RNLS: variants seen among roughly 807,000 people sequenced by gnomAD.
The protein encoded by RNLS is renalase.
In RNLS, 39 loss-of-function variants were observed where a neutral mutation model predicts 39.8. The observed-to-expected ratio is 0.98, with a 90% CI of 0.76 to 1.28. RNLS has a LOEUF of 1.28. RNLS is among the 50% of genes most tolerant of loss of function. RNLS has a pLI of 0.00. For synonymous variants in RNLS, 147 were observed against 150.7 expected (o/e 0.98, Z 0.18); for missense variants, 410 against 413.3 (o/e 0.99, Z 0.07).
the RNLS span, among the ~76,000 whole-genome samples, chr10:88,224,748 A>G: frequency 6.6e-6 from 1 of 152,216 alleles, no homozygotes; most frequent in East Asian, 1.9e-4. Flanking sequence ...CCCTCAGGTT[A>G]CGTGCAATCT....
the RNLS span, among the ~76,000 whole-genome samples, chr10:88,210,591 T>C: frequency 6.6e-6 from 1 of 152,182 alleles, no homozygotes; most frequent in Admixed American, 6.6e-5. Flanking sequence ...ACCACGCACA[T>C]AATCACAGAA....
the RNLS span, among the ~76,000 whole-genome samples, chr10:88,197,476 G>C: frequency 6.6e-6 from 1 of 152,104 alleles, no homozygotes; most frequent in Non-Finnish European, 1.5e-5. Flanking sequence ...TGTCATGGTA[G>C]GTGTCAAGCA....
At chr10:88,269,516 GCCTAACTGACT>G (rs916170310), downstream of RNLS, among the ~76,000 whole-genome samples, 1 of 152,150 alleles carries the variant, frequency 6.6e-6, no homozygotes, top group Non-Finnish European at 1.5e-5. Context: ...CTAGGGCCTG[GCCTAACTGACT>G]CCTGCTGAAA....
At chr10:88,501,001 G>T (rs994309117) in intron 4 of RNLS, among the ~76,000 whole-genome samples, 1 of 140,066 alleles carries the variant, frequency 7.1e-6, no homozygotes, top group South Asian at 2.4e-4. Context: ...ATATATATGT[G>T]TGTGTGTATA....
At chr10:88,178,040 G>C in the RNLS span, among the ~76,000 whole-genome samples, 1 of 152,330 alleles carries the variant, frequency 6.6e-6, no homozygotes, top group Non-Finnish European at 1.5e-5. Context: ...TCCCCAGGCA[G>C]GTGGTTCTCA....
chr10:88,218,732 T>G, the RNLS span, among the ~76,000 whole-genome samples: 1 of 152,204 alleles, frequency 6.6e-6, no homozygotes, highest in East Asian at 1.9e-4. Context: ...GCTGGATTCT[T>G]CATCTTAAAT....
intron 5 of RNLS, among the ~76,000 whole-genome samples, chr10:88,337,709 G>C (rs1341762178): frequency 6.6e-6 from 1 of 152,144 alleles, no homozygotes; most frequent in East Asian, 1.9e-4. Flanking sequence ...ATCTAGAGTT[G>C]CCTATAGCTT....
chr10:88,308,611 TA>T (rs978456648), intron 6 of RNLS, among the ~76,000 whole-genome samples: 8 of 151,966 alleles, frequency 5.3e-5, no homozygotes, highest in Middle Eastern at 3.4e-3. Flanking sequence ...TGGCTACTAT[TA>T]AAAAATAACA....
chr10:88,497,454 T>C (rs1845232778), intron 4 of RNLS, among the ~76,000 whole-genome samples: 2 of 151,898 alleles, frequency 1.3e-5, no homozygotes, highest in Non-Finnish European at 2.9e-5. Flanking sequence ...ATAAGATAGC[T>C]TGATGAAGGT....
intron 5 of RNLS, among the ~76,000 whole-genome samples, chr10:88,316,766 CAATG>C (rs1286254292): frequency 6.6e-6 from 1 of 152,088 alleles, no homozygotes; most frequent in African/African-American, 2.4e-5. Context: ...TCTCGCATAA[CAATG>C]AGAGAACAAC....
intron 4 of RNLS, among the ~76,000 whole-genome samples, chr10:88,393,224 T>C (rs1361776674): frequency 6.6e-6 from 1 of 152,082 alleles, no homozygotes; most frequent in Non-Finnish European, 1.5e-5. Context: ...ATAAAGGGTA[T>C]TCAATTAGGA....
Position 88,471,490 on chromosome 10 carries a change from G to C in RNLS, c.526+101413C>G, listed in dbSNP as rs1439207267. ...CTACCTTTTGGGGAAGGCAAAGTAAGGGGAAGGGATTTTATCAGTCTCTGG... is the reference window on the plus strand; with the variant it reads ...CTACCTTTTGGGGAAGGCAAAGTAACGGGAAGGGATTTTATCAGTCTCTGG... On this transcript the variant is annotated intron_variant, in intron 4 of 6. Coordinates refer to ENST00000331772, the MANE Select transcript of RNLS (RefSeq NM_001031709.3). Among the ~76,000 whole-genome samples the C allele has an allele frequency of 2.0e-5, 3 of 152,264 alleles. No individual in the cohort carries two copies. In the South Asian group the frequency reaches 6.2e-4, roughly 32 times the overall value.
chr10:88,497,349 GC>G (rs1166446728), intron 4 of RNLS, among the ~76,000 whole-genome samples: 3 of 151,922 alleles, frequency 2.0e-5, no homozygotes, highest in Admixed American at 6.6e-5. Context: ...TAGAAAGTAG[GC>G]TTCAGATTAC....
At chr10:88,302,114 C>A (rs1844573733) in intron 6 of RNLS, among the ~76,000 whole-genome samples, 1 of 152,176 alleles carries the variant, frequency 6.6e-6, no homozygotes, top group Non-Finnish European at 1.5e-5. Flanking sequence ...TCAGTTGTTA[C>A]CATTTACAGA....
rs180737744 is a variant in RNLS, at chr10:88,361,973, A to C, written c.700+579T>G. Among the ~76,000 whole-genome samples, 955 of 152,314 alleles carry C rather than the reference A, an allele frequency of 6.3e-3. 5 individuals carry two copies. Among genetic ancestry groups the C allele is most frequent in the Middle Eastern group, 0.041 (12 of 294 alleles). ...TCTAATTTTTATAACTATCTTCAAC[A>C]AAAAGGGTGGAGTGTAGATTCACCA... On this transcript the variant is annotated intron_variant, in intron 5 of 6. Transcript: ENST00000331772.
chr10:88,299,602 G>A (rs189219538), intron 6 of RNLS, among the ~76,000 whole-genome samples: 124 of 152,258 alleles, frequency 8.1e-4, no homozygotes, highest in Non-Finnish European at 1.2e-3. Context: ...TCCAGCCTGC[G>A]CAATAGAGCA....
At chr10:88,299,494 G>A (rs1487891202) in intron 6 of RNLS, among the ~76,000 whole-genome samples, 6 of 152,066 alleles carry the variant, frequency 3.9e-5, no homozygotes, top group African/African-American at 1.4e-4. Flanking sequence ...GCACCGTGGC[G>A]TGCGCCTGTA....
chr10:88,183,249 G>T, the RNLS span, among the ~76,000 whole-genome samples: 1 of 152,076 alleles, frequency 6.6e-6, no homozygotes. Context: ...ATGAATTAAT[G>T]AATAAAGCAA....
At chr10:88,571,395 T>C (rs762598240) in intron 4 of RNLS, among the ~76,000 whole-genome samples, 1 of 152,206 alleles carries the variant, frequency 6.6e-6, no homozygotes, top group Non-Finnish European at 1.5e-5. Context: ...TTTAAGAATG[T>C]ATACTTATCT....
Sources: allele counts gnomAD v4.1 joint callset (sites outside exome capture counted in the v4.1 genomes callset), GRCh38; gene constraint gnomAD v4.1.1; transcripts MANE v1.5; gene names NCBI Gene and HGNC (gene_info 2026-07-23, HGNC 2026-07-21).